DPP6: variants seen among roughly 807,000 people sequenced by gnomAD.
DPP6 encodes the protein A-type potassium channel modulatory protein DPP6.
Under a neutral mutation model 122.6 loss-of-function variants are expected in DPP6, and 69 were observed. The observed-to-expected ratio is 0.56, with a 90% CI of 0.46 to 0.69. DPP6 has a LOEUF of 0.69. Among genes scored for constraint, DPP6 ranks in the 30% least tolerant of loss-of-function variants. The pLI, the probability that DPP6 is intolerant of heterozygous loss-of-function variation, is 0.00. For missense variants in DPP6, 928 were observed against 1,116.9 expected (o/e 0.83, Z 2.41); for synonymous variants, 418 against 433.1 (o/e 0.97, Z 0.43).
chr7:154,604,995 G>C (rs1370720443), intron 5 of DPP6, among the ~76,000 whole-genome samples: 5 of 84,536 alleles, frequency 5.9e-5, no homozygotes, highest in African/African-American at 1.6e-4. Flanking sequence ...TCATGCCTAA[G>C]TGTGTTTTCT....
intron 6 of DPP6, among the ~76,000 whole-genome samples, chr7:154,660,402 C>G (rs374723230): frequency 1.4e-5 from 2 of 147,666 alleles, no homozygotes; most frequent in East Asian, 2.0e-4. Flanking sequence ...GCGTATTGGC[C>G]GTAGTGTTCA....
chr7:154,859,420 C>G (rs980534701), intron 17 of DPP6, among the ~76,000 whole-genome samples: 1 of 152,194 alleles, frequency 6.6e-6, no homozygotes, highest in Non-Finnish European at 1.5e-5. Flanking sequence ...GGCAGAGCCT[C>G]GGCACTGTGC....
chr7:153,749,390 C>A, the DPP6 span, among the ~76,000 whole-genome samples: 4 of 151,606 alleles, frequency 2.6e-5, no homozygotes, highest in East Asian at 2.1e-4. This position sits in a 1 kb window ranked among gnomAD's most constrained non-coding sequence, Gnocchi z 4.1. Context: ...CACAATCAGA[C>A]CCCCCTGGGC....
At chr7:154,105,588 A>G (rs1226958092) in intron 1 of DPP6, among the ~76,000 whole-genome samples, 2 of 152,202 alleles carry the variant, frequency 1.3e-5, no homozygotes, top group African/African-American at 4.8e-5. Context: ...TGTAGCTCCC[A>G]TAATTCCCAA....
chr7:154,525,121 A>G (rs1233676443), intron 3 of DPP6, among the ~76,000 whole-genome samples: 1 of 152,178 alleles, frequency 6.6e-6, no homozygotes, highest in Non-Finnish European at 1.5e-5. Context: ...ATTCAACATC[A>G]CAGAGTTTTA....
At chr7:153,832,237 C>T in the DPP6 span, among the ~76,000 whole-genome samples, 1 of 152,202 alleles carries the variant, frequency 6.6e-6, no homozygotes, top group Admixed American at 6.5e-5. Flanking sequence ...ATATTACCAA[C>T]CACATACATG....
intron 3 of DPP6, among the ~76,000 whole-genome samples, chr7:154,503,139 C>G (rs964763625): frequency 6.6e-6 from 1 of 152,184 alleles, no homozygotes; most frequent in African/African-American, 2.4e-5. Context: ...TGAAGCTACA[C>G]CTTGCAATAC....
At chr7:153,944,282 G>A (rs1026138575) in intron 1 of DPP6, among the ~76,000 whole-genome samples, 12 of 152,280 alleles carry the variant, frequency 7.9e-5, no homozygotes, top group African/African-American at 2.4e-4. Flanking sequence ...TGTGTTCACC[G>A]CCACTAGAGT....
At chr7:154,874,954 G>A (rs1034128333) in intron 19 of DPP6, among the ~76,000 whole-genome samples, 5 of 152,240 alleles carry the variant, frequency 3.3e-5, no homozygotes, top group Admixed American at 3.3e-4. Flanking sequence ...CTTTTAATTA[G>A]CCAGGCATGG....
chr7:154,803,049 C>G (rs532790088), intron 13 of DPP6, among the ~76,000 whole-genome samples: 1 of 152,202 alleles, frequency 6.6e-6, no homozygotes, highest in East Asian at 1.9e-4. Context: ...AAACCTGCTT[C>G]AAACTCCCCA....
the DPP6 span, among the ~76,000 whole-genome samples, chr7:153,789,659 C>G: frequency 6.9e-4 from 105 of 152,204 alleles, no homozygotes; most frequent in African/African-American, 2.5e-3. Context: ...AAGAAAATCA[C>G]CTTAATTAAC....
the DPP6 span, among the ~76,000 whole-genome samples, chr7:153,843,716 A>G: frequency 6.6e-6 from 1 of 152,212 alleles, no homozygotes; most frequent in African/African-American, 2.4e-5. Context: ...AGAACTTACA[A>G]TATAGTGTGT....
chr7:154,488,171 C>T (rs1034103677), intron 3 of DPP6, among the ~76,000 whole-genome samples: 1 of 152,086 alleles, frequency 6.6e-6, no homozygotes, highest in African/African-American at 2.4e-5. Context: ...TGTAACTCTT[C>T]GTGTTTTAAG....
chr7:154,657,071 G>C (rs111730393), intron 6 of DPP6, among the ~76,000 whole-genome samples: 1 of 91,772 alleles, frequency 1.1e-5, no homozygotes, highest in Non-Finnish European at 2.0e-5. Context: ...GAGAGGCTGC[G>C]TGGGAGGAGG....
At chr7:154,829,798 C>G (rs559525371) in intron 16 of DPP6, among the ~76,000 whole-genome samples, 8 of 152,252 alleles carry the variant, frequency 5.3e-5, no homozygotes, top group African/African-American at 1.9e-4. Flanking sequence ...CCATCCTGCT[C>G]AAAGCCCTCC....
rs143943518 is a variant in DPP6, at chr7:154,539,062, C to T, written c.458-1470C>T. 2.3e-3 allele frequency among the ~76,000 whole-genome samples: 348 copies of T among 152,278 alleles called. 3 individuals are homozygous for T. Among genetic ancestry groups the T allele is most frequent in the African/African-American group, 5.6e-3 (232 of 41,550 alleles). On this transcript the variant is annotated intron_variant, in intron 3 of 25. Coordinates refer to ENST00000377770, the MANE Select transcript of DPP6 (RefSeq NM_130797.4). The stretch of plus-strand genomic sequence containing the variant: ...TCTACACATACTTAAATTATAACAA[C>T]TCTGCTTTTGAATTAATCCAGTCTG...
chr7:154,805,650 G>T (rs1242580647), intron 15 of DPP6, among the ~76,000 whole-genome samples: 1 of 152,220 alleles, frequency 6.6e-6, no homozygotes, highest in Non-Finnish European at 1.5e-5. Context: ...AGAGGGCAGG[G>T]ACCCTGTGTT....
the DPP6 span, among the ~76,000 whole-genome samples, chr7:153,761,625 G>C: frequency 6.6e-6 from 1 of 151,968 alleles, no homozygotes; most frequent in Non-Finnish European, 1.5e-5. Flanking sequence ...ACAGTTACGT[G>C]TGTATCACTT....
chr7:153,947,720 G>A (rs936677086), intron 1 of DPP6, among the ~76,000 whole-genome samples: 1 of 152,060 alleles, frequency 6.6e-6, no homozygotes. Flanking sequence ...GAGGGTGATC[G>A]GTGGGAACCG....
Sources: gnomAD v4.1 joint callset for allele counts (sites outside exome capture counted in the v4.1 genomes callset) on GRCh38, gnomAD v4.1.1 for gene constraint, Gnocchi (gnomAD v3.1) non-coding constraint, MANE v1.5 for transcripts, NCBI Gene and HGNC (gene_info 2026-07-23, HGNC 2026-07-21) for gene names.